ELL2: variants seen among roughly 807,000 people sequenced by gnomAD.
The protein encoded by ELL2 is elongation factor for RNA polymerase II 2.
A neutral mutation model predicts 72.8 loss-of-function variants in ELL2; 21 were observed. That is an observed-to-expected ratio of 0.29 (90% confidence interval 0.20 to 0.42). The LOEUF is 0.42. Among genes scored for constraint, ELL2 ranks in the 10% least tolerant of loss-of-function variants. The probability of loss-of-function intolerance (pLI) is 1.00; values close to 1 mark genes in which losing one functional copy is unlikely to be tolerated. For missense variants in ELL2, 568 were observed against 772.8 expected (o/e 0.73, Z 3.14); for synonymous variants, 266 against 283.2 (o/e 0.94, Z 0.61).
chr5:95,911,199 A>G (rs1749579181), intron 4 of ELL2, among the ~76,000 whole-genome samples: 1 of 152,234 alleles, frequency 6.6e-6, no homozygotes, highest in Admixed American at 6.5e-5. Flanking sequence ...TATATGAGAA[A>G]GAGCTGGCAA....
rs1285531416 is a variant in ELL2, at chr5:95,891,186, C to T, written c.1678G>A (p.Ala560Thr). Reference sequence around the variant, plus strand: ...CTTCTAGCTACAGTCTCCATCCTGGCATGCAAAGCTCTGTACTCATCATAC... The same window carrying T: ...CTTCTAGCTACAGTCTCCATCCTGGTATGCAAAGCTCTGTACTCATCATAC... ...AEYDEYRALH[A>T]RMETVARRFI... Residue 560 changes from alanine to threonine, a missense_variant, in exon 10 of 12, where the codon GCC (alanine) becomes ACC (threonine). By Grantham distance (58) the Ala-to-Thr change is moderately conservative. Transcript: ENST00000237853. 3 of 1,614,182 alleles carry T rather than the reference C, an allele frequency of 1.9e-6. No homozygotes were observed. The East Asian group carries it at 6.7e-5, about 36-fold the overall frequency.
Position 95,942,918 on chromosome 5 carries a change from A to T in ELL2, c.195+84T>A, listed in dbSNP as rs556924642. On this transcript the variant is annotated intron_variant, in intron 2 of 11. Coordinates refer to ENST00000237853, the MANE Select transcript of ELL2 (RefSeq NM_012081.6). ...CAGAATGAGTGGCTGATTATAATAAAAGGGTCAACTGAAAACGGATTTTAA... is the reference window on the plus strand; with the variant it reads ...CAGAATGAGTGGCTGATTATAATAATAGGGTCAACTGAAAACGGATTTTAA... 82 of 1,042,010 alleles carry T rather than the reference A, an allele frequency of 7.9e-5. 1 individual carries two copies. In the Middle Eastern group the frequency reaches 3.6e-3, roughly 46 times the overall value. The allele number at this position is 1,042,010 out of a possible 1,614,324, so 64.5% of individuals were successfully genotyped here.
chr5:95,931,882 A>G (rs1750614717), intron 2 of ELL2, among the ~76,000 whole-genome samples: 1 of 150,958 alleles, frequency 6.6e-6, no homozygotes, highest in South Asian at 2.1e-4. Flanking sequence ...GAAACAAAGA[A>G]AATAGAATTA....
At chr5:95,930,150 T>C (rs917416007) in intron 2 of ELL2, among the ~76,000 whole-genome samples, 6 of 152,220 alleles carry the variant, frequency 3.9e-5, no homozygotes, top group African/African-American at 1.2e-4. Flanking sequence ...TTTTAAAAAA[T>C]GGTTTCTCAG....
chr5:95,905,725 A>G (rs762454630), intron 5 of ELL2, among the ~76,000 whole-genome samples: 2 of 150,204 alleles, frequency 1.3e-5, no homozygotes, highest in Non-Finnish European at 2.9e-5. Context: ...TACTCTTTGA[A>G]TAACAGATCA....
At chr5:95,960,545 G>C (rs1751794092) in intron 1 of ELL2, among the ~76,000 whole-genome samples, 1 of 151,784 alleles carries the variant, frequency 6.6e-6, no homozygotes, top group African/African-American at 2.4e-5. Context: ...TGTGTCCATG[G>C]GCTTCTCTCG....
In ELL2 at chr5:95,887,149, G is replaced by A. The variant is rs1748491737; in HGVS notation, c.*1722C>T. On this transcript the variant is annotated 3_prime_UTR_variant, in exon 12 of 12. Coordinates refer to ENST00000237853, the MANE Select transcript of ELL2 (RefSeq NM_012081.6). Reference sequence around the variant, plus strand: ...TGCTAAAAGAAACAGAATTCCTTAGGAGGTCCATGCTACATAGAACCAAAA... The same window carrying A: ...TGCTAAAAGAAACAGAATTCCTTAGAAGGTCCATGCTACATAGAACCAAAA... 6.6e-6 allele frequency: 1 copy of A among 152,128 alleles called. No individual in the cohort carries two copies. The highest frequency in any genetic ancestry group is 2.4e-5 in the African/African-American group (1 of 41,442). The allele number at this position is 152,128 out of a possible 1,614,324, so 9.4% of individuals were successfully genotyped here. A position where few individuals can be genotyped will look rare whatever the true frequency, so the allele number is the denominator to read the frequency against.
At chr5:95,912,420 G>A (rs1165027962) in intron 4 of ELL2, among the ~76,000 whole-genome samples, 1 of 152,078 alleles carries the variant, frequency 6.6e-6, no homozygotes, top group East Asian at 1.9e-4. Context: ...TGGTGGTATT[G>A]GGCAGAGGAA....
chr5:95,901,646 A>G (rs1749147686), intron 5 of ELL2, among the ~76,000 whole-genome samples: 1 of 152,248 alleles, frequency 6.6e-6, no homozygotes, highest in Admixed American at 6.5e-5. Flanking sequence ...TAAGTAAAAT[A>G]AGGATTACTT....
At chr5:95,916,518 T>G (rs1045474887) in intron 3 of ELL2, among the ~76,000 whole-genome samples, 5 of 150,060 alleles carry the variant, frequency 3.3e-5, no homozygotes, top group Admixed American at 2.6e-4. Context: ...CAGGAGAGAG[T>G]GGTCAACAGT....
intron 5 of ELL2, among the ~76,000 whole-genome samples, chr5:95,901,395 CA>C (rs1279927093): frequency 3.3e-5 from 5 of 152,018 alleles, no homozygotes; most frequent in Non-Finnish European, 5.9e-5. Context: ...CAAAGGAATC[CA>C]AAACAGTTGT....
chr5:95,923,761 G>A (rs182161477), intron 2 of ELL2, among the ~76,000 whole-genome samples: 1 of 152,308 alleles, frequency 6.6e-6, no homozygotes, highest in Admixed American at 6.5e-5. Context: ...GAGCTAATCT[G>A]AAGCTTTTCA....
At chr5:95,914,985 A>C (rs953371963) in intron 3 of ELL2, among the ~76,000 whole-genome samples, 3 of 152,266 alleles carry the variant, frequency 2.0e-5, no homozygotes, top group Non-Finnish European at 4.4e-5. Context: ...TTTTATAAAG[A>C]AATTGCTATG....
intron 3 of ELL2, among the ~76,000 whole-genome samples, chr5:95,917,050 C>G (rs555453604): frequency 6.6e-6 from 1 of 152,184 alleles, no homozygotes; most frequent in Non-Finnish European, 1.5e-5. Flanking sequence ...CCTTCTCAAC[C>G]GAGTTACCCT....
intron 1 of ELL2, among the ~76,000 whole-genome samples, chr5:95,953,004 T>C (rs1248355939): frequency 6.6e-6 from 1 of 152,182 alleles, no homozygotes; most frequent in Non-Finnish European, 1.5e-5. Context: ...CACTGAGGTC[T>C]GGTAAGATGG....
In ELL2 at chr5:95,936,758, C is replaced by T. The variant is rs574660350; in HGVS notation, c.195+6244G>A. 3.3e-5 allele frequency among the ~76,000 whole-genome samples: 5 copies of T among 152,170 alleles called. No individual in the cohort carries two copies. The South Asian group carries it at 8.3e-4, about 25-fold the overall frequency. Reference sequence around the variant, plus strand: ...AGGGATGGTTAAATTTAAGGGACCACAAAGTATCAAAGAATTGGTAAAATA... The same window carrying T: ...AGGGATGGTTAAATTTAAGGGACCATAAAGTATCAAAGAATTGGTAAAATA... On this transcript the variant is annotated intron_variant, in intron 2 of 11. Transcript: ENST00000237853.
At chr5:95,890,583 G>T (rs1232983279) in intron 10 of ELL2, among the ~76,000 whole-genome samples, 2 of 152,230 alleles carry the variant, frequency 1.3e-5, no homozygotes, top group Admixed American at 6.5e-5. Flanking sequence ...TGAAAACAGA[G>T]TAAGACTGGT....
At chr5:95,945,091 G>A (rs959490551) in intron 1 of ELL2, among the ~76,000 whole-genome samples, 1 of 152,042 alleles carries the variant, frequency 6.6e-6, no homozygotes, top group African/African-American at 2.4e-5. Context: ...CCATTCCTCA[G>A]CTGGCACCTC....
intron 2 of ELL2, among the ~76,000 whole-genome samples, chr5:95,928,536 C>T (rs1318090543): frequency 6.6e-6 from 1 of 152,186 alleles, no homozygotes; most frequent in Non-Finnish European, 1.5e-5. Flanking sequence ...TTACTGGCAT[C>T]CTGATGAGTG....
Sources: allele counts gnomAD v4.1 joint callset (sites outside exome capture counted in the v4.1 genomes callset), GRCh38; gene constraint gnomAD v4.1.1; transcripts MANE v1.5; gene names NCBI Gene and HGNC (gene_info 2026-07-23, HGNC 2026-07-21).